The following MDN1 variants were observed in gnomAD, a reference collection of about 807,000 sequenced individuals.
MDN1 encodes midasin.
Under a neutral mutation model 669.2 loss-of-function variants are expected in MDN1, and 266 were observed. The observed-to-expected ratio is 0.40, with a 90% CI of 0.36 to 0.44. The LOEUF is 0.44. Among genes scored for constraint, MDN1 ranks in the 20% least tolerant of loss-of-function variants. The probability of loss-of-function intolerance (pLI) is 1.00; values close to 1 mark genes in which losing one functional copy is unlikely to be tolerated. For missense variants in MDN1, 5,940 were observed against 6,754.0 expected (o/e 0.88, Z 4.22); for synonymous variants, 2,385 against 2,457.1 (o/e 0.97, Z 0.87).
chr6:89,676,617 T>C (rs767467077), intron 76 of MDN1, among the ~76,000 whole-genome samples: 22 of 152,162 alleles, frequency 1.4e-4, no homozygotes, highest in Non-Finnish European at 2.8e-4. Context: ...GGAGAGCATG[T>C]GTCCTATCAA....
chr6:89,688,487 G>C, intron 66 of MDN1, 86 bp downstream of exon 66: 1 of 1,232,974 alleles, frequency 8.1e-7, no homozygotes. Flanking sequence ...ATATGTGCAA[G>C]TGGGTGCCCC....
chr6:89,803,584 C>T (rs1052574801), intron 1 of MDN1, 30 bp from the exon 2 acceptor site: 7 of 1,287,830 alleles, frequency 5.4e-6, no homozygotes, highest in South Asian at 2.6e-5. Flanking sequence ...ACATCTTTCA[C>T]TTTTTTTTTT....
rs1460507098 is a variant in MDN1 at position 89,747,463 on chromosome 6, C to T, written c.3770G>A (p.Arg1257His). ...VKVMLDLQSY[R>H]RSSSVFAGKQ... ...TCCAGCAAACACTGAAGAACTTCTG[C>T]GATAGGACTGTTGAAGTATCAAAAC... is the stretch of plus-strand genomic sequence containing the variant. The change falls in exon 27 of 102, where the codon CGC (arginine) becomes CAC (histidine). Residue 1257 changes from arginine (R) to histidine (H), a missense_variant. By Grantham distance (29) the Arg-to-His change is conservative (BLOSUM62 0). This residue lies in a region of MDN1 where 2,292 missense variants were observed against 2,638.3 expected (regional missense o/e 0.87). Transcript: ENST00000369393. The T allele has an allele frequency of 1.2e-6, 2 of 1,612,634 alleles. No homozygotes were observed. The highest frequency in any genetic ancestry group is 1.7e-6 in the Non-Finnish European group (2 of 1,179,528).
At chr6:89,778,858 C>T (rs1361835109) in intron 11 of MDN1, among the ~76,000 whole-genome samples, 1 of 148,100 alleles carries the variant, frequency 6.8e-6, no homozygotes, top group Non-Finnish European at 1.5e-5. Flanking sequence ...TGCACTCCAG[C>T]CTGGGTAATA....
chr6:89,670,613 A>T (rs547261620), intron 83 of MDN1, among the ~76,000 whole-genome samples: 2 of 152,136 alleles, frequency 1.3e-5, no homozygotes, highest in African/African-American at 4.8e-5. Context: ...TACATTGGGG[A>T]TGGGAAGGGA....
intron 66 of MDN1, 83 bp from the exon 67 acceptor site, chr6:89,688,256 A>G: frequency 7.9e-7 from 1 of 1,259,660 alleles, no homozygotes; most frequent in Non-Finnish European, 1.1e-6. Context: ...CCTGACCAGA[A>G]GATTCCCCCC....
chr6:89,658,192 G>A lies in MDN1; in HGVS notation c.15183+17C>T. On this transcript the variant is annotated intron_variant, in intron 90 of 101. Coordinates refer to ENST00000369393, the MANE Select transcript of MDN1 (RefSeq NM_014611.3). ...TACTAAGAGGCAGCTGGCGGCTGCA[G>A]TGAAACCACTGATCACCTCTTTCCC... The A allele has an allele frequency of 2.5e-6, 4 of 1,613,734 alleles. No homozygotes were observed. Among genetic ancestry groups the A allele is most frequent in the Non-Finnish European group, 3.4e-6 (4 of 1,179,876 alleles).
chr6:89,754,289 A>T, intron 20 of MDN1, 59 bp from the exon 21 acceptor site: 2 of 1,532,598 alleles, frequency 1.3e-6, no homozygotes, highest in Non-Finnish European at 1.8e-6. Flanking sequence ...AGTATTATCA[A>T]TTCTCTACAG....
In MDN1 at chr6:89,719,037, A is replaced by G; in HGVS notation, c.6058-7T>C. The G allele has an allele frequency of 6.2e-7, 1 of 1,614,020 alleles. No individual in the cohort carries two copies. Among genetic ancestry groups the G allele is most frequent in the Non-Finnish European group, 8.5e-7 (1 of 1,179,872 alleles). On this transcript the variant is annotated splice_polypyrimidine_tract_variant and splice_region_variant and intron_variant, in intron 41 of 101. Coordinates refer to ENST00000369393, the MANE Select transcript of MDN1 (RefSeq NM_014611.3). ...AAAGGACTGAGTAGCCCAACTGAAA[A>G]GACATGCCAGTGAGATTTCCATAAG...
chr6:89,671,349 T>C (rs962007726), intron 82 of MDN1, among the ~76,000 whole-genome samples: 2 of 152,208 alleles, frequency 1.3e-5, no homozygotes, highest in African/African-American at 4.8e-5. Context: ...AAAAATAGAA[T>C]GTTGGCCAGG....
chr6:89,743,057 G>A lies in MDN1; in HGVS notation c.4448+93C>T, dbSNP rs1816374397. On this transcript the variant is annotated intron_variant, in intron 31 of 101. Transcript: ENST00000369393. ...TGATCATGACACGGCACTGCAGCCTGGGGTGACAGAGTGAGAACACTGTCT... is the reference window on the plus strand; with the variant it reads ...TGATCATGACACGGCACTGCAGCCTAGGGTGACAGAGTGAGAACACTGTCT... The A allele has an allele frequency of 4.1e-6, 6 of 1,462,306 alleles. 1 individual carries two copies. In the African/African-American group the frequency reaches 7.1e-5, roughly 17 times the overall value. 90.6% of individuals were successfully genotyped at this position (1,462,306 alleles called of 1,614,324 possible). A position where few individuals can be genotyped will look rare whatever the true frequency, so the allele number is the denominator to read the frequency against.
intron 1 of MDN1, among the ~76,000 whole-genome samples, chr6:89,804,963 G>A (rs907261117): frequency 6.6e-6 from 1 of 151,072 alleles, no homozygotes; most frequent in South Asian, 2.1e-4. Context: ...GTGAACCCCG[G>A]GAGGCGGAGC....
rs199690522 is a variant in MDN1, at chr6:89,740,389, A to C, written c.4449-11T>G. ...TCTACTTCAAGGACACTAAAAGAAA[A>C]ATTGAAGAACAGTGAAAAGGGCTTA... On this transcript the variant is annotated splice_polypyrimidine_tract_variant and intron_variant, in intron 31 of 101. Coordinates refer to ENST00000369393, the MANE Select transcript of MDN1 (RefSeq NM_014611.3). The C allele has an allele frequency of 8.9e-6, 14 of 1,568,928 alleles. No individual in the cohort carries two copies. The highest frequency in any genetic ancestry group is 1.1e-5 in the Non-Finnish European group (13 of 1,166,658).
chr6:89,704,009 G>C (rs1357677119), intron 53 of MDN1, among the ~76,000 whole-genome samples: 1 of 81,492 alleles, frequency 1.2e-5, no homozygotes, highest in Admixed American at 1.6e-4. Flanking sequence ...GAGAAACTCC[G>C]TCTCAAAAAA....
intron 15 of MDN1, among the ~76,000 whole-genome samples, chr6:89,762,908 TAGTC>T (rs1817628024): frequency 6.6e-6 from 1 of 151,926 alleles, no homozygotes; most frequent in African/African-American, 2.4e-5. Context: ...ATACAAAAAT[TAGTC>T]AGGTGCAGTA....
chr6:89,690,809 T>G lies in MDN1; in HGVS notation c.10613A>C (p.Gln3538Pro). Residue 3538 changes from glutamine (Q) to proline (P), a missense_variant, in exon 64 of 102, where the codon CAG becomes CCG. Coordinates refer to ENST00000369393, the MANE Select transcript of MDN1 (RefSeq NM_014611.3). ...AGCCTTCTCTTGGGCTATGCGTTCCTGCTCATCCCACTCACTGATGATTTC... is the reference window on the plus strand; with the variant it reads ...AGCCTTCTCTTGGGCTATGCGTTCCGGCTCATCCCACTCACTGATGATTTC... ...CQEIISEWDEQERIAQEKAEQ... is the reference protein window; with the variant it reads ...CQEIISEWDEPERIAQEKAEQ... 1 of 1,614,136 alleles carries G rather than the reference T, an allele frequency of 6.2e-7. No individual in the cohort carries two copies. Among genetic ancestry groups the G allele is most frequent in the South Asian group, 1.1e-5 (1 of 91,066 alleles).
Position 89,690,066 on chromosome 6 carries a change from G to A in MDN1, c.10827C>T (p.Gly3609=). ...TCTGGGAGAGGAGAGCTGGGTTTGT[G>A]CCTGCTTCCTCTTCTTGCCCATCTG... ...GTSDGQEEEA[G]TNPALLSQNS... is the part of the protein sequence containing the mutation. Residue 3609 remains glycine, a synonymous_variant, in exon 65 of 102, where the codon GGC becomes GGT. Coordinates refer to ENST00000369393, the MANE Select transcript of MDN1 (RefSeq NM_014611.3). The A allele has an allele frequency of 6.2e-7, 1 of 1,614,146 alleles. No homozygotes were observed. The highest frequency in any genetic ancestry group is 1.1e-5 in the South Asian group (1 of 91,078).
At chr6:89,745,695 G>T in intron 27 of MDN1, 69 bp from the exon 28 acceptor site, 2 of 1,479,146 alleles carry the variant, frequency 1.4e-6, no homozygotes, top group African/African-American at 1.4e-5. Flanking sequence ...AAGGGATATG[G>T]AGAATATGAA....
chr6:89,797,822 C>G, intron 2 of MDN1: 2 of 227,480 alleles, frequency 8.8e-6, no homozygotes, highest in Non-Finnish European at 1.8e-5. Context: ...GAATGATGCT[C>G]TTAAACAATC....
Sources: gnomAD v4.1 joint callset for allele counts (sites outside exome capture counted in the v4.1 genomes callset) on GRCh38, gnomAD v4.1.1 for gene constraint, gnomAD v4.1.1 regional missense constraint, MANE v1.5 for transcripts, NCBI Gene and HGNC (gene_info 2026-07-23, HGNC 2026-07-21) for gene names.